CHST9: variants seen among roughly 807,000 people sequenced by gnomAD.
CHST9 encodes the protein carbohydrate sulfotransferase 9, also known as GalNAc-4-sulfotransferase 2.
Under a neutral mutation model 44.4 loss-of-function variants are expected in CHST9, and 41 were observed. The observed-to-expected ratio is 0.92, with a 90% CI of 0.72 to 1.20. The LOEUF (loss-of-function observed/expected upper bound fraction) is 1.20, where lower values mean the gene tolerates loss of function less well. CHST9 is among the 50% of genes most tolerant of loss of function. The pLI is 0.00. For synonymous variants in CHST9, 171 were observed against 178.4 expected, an observed-to-expected ratio of 0.96 and a Z score of 0.33; for missense variants, 504 against 516.5, an observed-to-expected ratio of 0.98 and a Z score of 0.23.
chr18:27,136,412 C>T (rs1429225495), intron 2 of CHST9, among the ~76,000 whole-genome samples: 1 of 148,784 alleles, frequency 6.7e-6, no homozygotes, highest in Non-Finnish European at 1.5e-5. Context: ...CCAGGCTGCC[C>T]ACTGCCTGGC....
Position 27,000,627 on chromosome 18 carries a change from T to TCTAC in CHST9, c.202+23488_202+23489insGTAG, listed in dbSNP as rs542016209. Reference sequence around the variant, plus strand: ...CTCCATCATTTATTTGTTTTGTCTATCTATCTATCTATCTATCTATCTATC... The same window carrying TCTAC: ...CTCCATCATTTATTTGTTTTGTCTATCTACCTATCTATCTATCTATCTATCTATC... On this transcript the variant is annotated intron_variant, in intron 4 of 5. Coordinates refer to ENST00000618847, the MANE Select transcript of CHST9 (RefSeq NM_031422.6). Among the ~76,000 whole-genome samples the TCTAC allele has an allele frequency of 3.8e-3, 543 of 143,964 alleles. 3 individuals carry two copies. The highest frequency in any genetic ancestry group is 0.013 in the African/African-American group (518 of 38,908). 94.4% of individuals were successfully genotyped at this position (143,964 alleles called of 152,430 possible). A position where few individuals can be genotyped will look rare whatever the true frequency, so the allele number is the denominator to read the frequency against.
chr18:26,964,660 C>T (rs531674828), intron 4 of CHST9, among the ~76,000 whole-genome samples: 1 of 152,258 alleles, frequency 6.6e-6, no homozygotes, highest in East Asian at 1.9e-4. Context: ...TGCCTTCCCA[C>T]CTCCAGCAGA....
chr18:26,967,835 G>C (rs199632127), intron 4 of CHST9, among the ~76,000 whole-genome samples: 1 of 152,216 alleles, frequency 6.6e-6, no homozygotes, highest in East Asian at 1.9e-4. Context: ...TCAGCTGCCA[G>C]TGCGGCCAGA....
chr18:26,930,962 G>A (rs1229422133), intron 5 of CHST9: 2 of 151,864 alleles, frequency 1.3e-5, no homozygotes, highest in Non-Finnish European at 2.9e-5. Flanking sequence ...GGGAGGAGAG[G>A]GGAGCTGTTT....
At chr18:27,139,506 T>TAC (rs2058546912) in intron 2 of CHST9, among the ~76,000 whole-genome samples, 1 of 151,800 alleles carries the variant, frequency 6.6e-6, no homozygotes, top group Non-Finnish European at 1.5e-5. Context: ...CACACATATA[T>TAC]ATATATATAA....
At chr18:26,920,036 A>G (rs759543268) in intron 5 of CHST9, among the ~76,000 whole-genome samples, 1 of 151,924 alleles carries the variant, frequency 6.6e-6, no homozygotes, top group Admixed American at 6.6e-5. Context: ...GTTGTCATCT[A>G]CCTTTATCAC....
chr18:27,104,482 G>C (rs2058203433), intron 2 of CHST9, among the ~76,000 whole-genome samples: 1 of 152,148 alleles, frequency 6.6e-6, no homozygotes, highest in Admixed American at 6.5e-5. Flanking sequence ...TATTATGAAA[G>C]TCAGATTTTG....
chr18:26,996,717 A>G (rs530329065), intron 4 of CHST9, among the ~76,000 whole-genome samples: 158 of 152,304 alleles, frequency 1.0e-3, no homozygotes, highest in African/African-American at 3.8e-3. Flanking sequence ...ATTACTGTCC[A>G]AAATACTCTC....
intron 5 of CHST9, among the ~76,000 whole-genome samples, chr18:26,928,554 A>G (rs232340): frequency 0.43 from 65,083 of 152,058 alleles, 14,393 homozygotes; most frequent in East Asian, 0.71. Context: ...AGGGTTGAGA[A>G]CAAGTTATTA....
intron 1 of CHST9, among the ~76,000 whole-genome samples, chr18:27,153,234 G>A (rs941498634): frequency 7.2e-5 from 11 of 152,090 alleles, no homozygotes; most frequent in African/African-American, 2.4e-4. Context: ...TAGTTGGTTC[G>A]GGAATGACCA....
intron 2 of CHST9, among the ~76,000 whole-genome samples, chr18:27,138,727 C>CA (rs1191876846): frequency 6.6e-6 from 1 of 152,084 alleles, no homozygotes; most frequent in African/African-American, 2.4e-5. Flanking sequence ...TTCACTGCAA[C>CA]CCTCTGTGAA....
chr18:27,147,831 C>G (rs1322950003), intron 1 of CHST9: 2 of 149,102 alleles, frequency 1.3e-5, no homozygotes, highest in Non-Finnish European at 3.0e-5. Flanking sequence ...GGACACTATT[C>G]TGTTCTATTG....
At chr18:26,956,034 C>T (rs749919503) in intron 4 of CHST9, among the ~76,000 whole-genome samples, 30 of 151,982 alleles carry the variant, frequency 2.0e-4, no homozygotes, top group Non-Finnish European at 3.1e-4. Flanking sequence ...CAGTGATTCA[C>T]GCCTATACTC....
At chr18:26,918,708 G>A (rs903167827) in intron 5 of CHST9, among the ~76,000 whole-genome samples, 12 of 152,078 alleles carry the variant, frequency 7.9e-5, no homozygotes, top group Admixed American at 7.9e-4. Context: ...TAGAACAGAG[G>A]AATGAAGCAC....
At chr18:27,124,832 T>C (rs2058406242) in intron 2 of CHST9, among the ~76,000 whole-genome samples, 1 of 152,192 alleles carries the variant, frequency 6.6e-6, no homozygotes. Flanking sequence ...ACCCTTAATG[T>C]CAATCACAAA....
At chr18:27,161,360 C>T (rs1050522990) in intron 1 of CHST9, among the ~76,000 whole-genome samples, 9 of 152,108 alleles carry the variant, frequency 5.9e-5, no homozygotes, top group African/African-American at 9.7e-5. Flanking sequence ...GCCTTCATTT[C>T]GTTATGTACC....
At chr18:27,095,264 A>G (rs1216927432) in intron 2 of CHST9, among the ~76,000 whole-genome samples, 1 of 152,188 alleles carries the variant, frequency 6.6e-6, no homozygotes, top group African/African-American at 2.4e-5. Context: ...TTTCCTCATC[A>G]TTCTCTAATC....
chr18:27,064,226 A>G (rs2057756932), intron 2 of CHST9, among the ~76,000 whole-genome samples: 2 of 152,040 alleles, frequency 1.3e-5, no homozygotes, highest in South Asian at 4.2e-4. Context: ...GAAAAATGTT[A>G]CAAAATTCAG....
chr18:27,124,431 G>A (rs551810567), intron 2 of CHST9, among the ~76,000 whole-genome samples: 86 of 152,276 alleles, frequency 5.6e-4, no homozygotes, highest in African/African-American at 2.0e-3. Flanking sequence ...ATTTGAATAC[G>A]TTTGGATGAT....
Sources: gnomAD v4.1 joint callset for allele counts (sites outside exome capture counted in the v4.1 genomes callset) on GRCh38, gnomAD v4.1.1 for gene constraint, MANE v1.5 for transcripts, NCBI Gene and HGNC (gene_info 2026-07-23, HGNC 2026-07-21) for gene names.